The following ELF5 variants were observed in gnomAD, a reference collection of about 807,000 sequenced individuals.
ELF5 encodes the protein E74 like ETS transcription factor 5.
A neutral mutation model predicts 38.2 loss-of-function variants in ELF5; 31 were observed. That is an observed-to-expected ratio of 0.81 (90% CI 0.61 to 1.10). The LOEUF is 1.10. Among genes scored for constraint, ELF5 ranks in the 50% least tolerant of loss-of-function variants. The pLI is 0.00. For missense variants in ELF5, 300 were observed against 306.6 expected, an observed-to-expected ratio of 0.98 and a Z score of 0.16; for synonymous variants, 121 against 112.5, an observed-to-expected ratio of 1.08 and a Z score of -0.48.
At chr11:34,487,431 C>G (rs911697016) in intron 4 of ELF5, among the ~76,000 whole-genome samples, 1 of 152,188 alleles carries the variant, frequency 6.6e-6, no homozygotes, top group Non-Finnish European at 1.5e-5. Context: ...TCTTCCCCAT[C>G]GCTGGGTCCA....
chr11:34,501,384 G>A (rs1427305326), intron 2 of ELF5, among the ~76,000 whole-genome samples: 2 of 152,162 alleles, frequency 1.3e-5, no homozygotes, highest in Non-Finnish European at 2.9e-5. Context: ...CAAAGGAGGC[G>A]CTGCATGTGT....
At chr11:34,487,095 T>C (rs1850017152) in intron 4 of ELF5, among the ~76,000 whole-genome samples, 1 of 151,982 alleles carries the variant, frequency 6.6e-6, no homozygotes, top group Non-Finnish European at 1.5e-5. Context: ...AAACTATCCA[T>C]TAGGGTTTCT....
At chr11:34,483,988 A>G (rs12417857) in intron 4 of ELF5, among the ~76,000 whole-genome samples, 20,253 of 151,574 alleles carry the variant, frequency 0.13, 1,488 homozygotes, top group Admixed American at 0.21. Flanking sequence ...ACCACACTAT[A>G]CTGTACTATA....
At chr11:34,487,393 C>T (rs1486951946) in intron 4 of ELF5, among the ~76,000 whole-genome samples, 2 of 152,192 alleles carry the variant, frequency 1.3e-5, no homozygotes, top group African/African-American at 2.4e-5. Context: ...TGCCCCACCA[C>T]TTCTATTTCT....
intron 1 of ELF5, 21 bp from the exon 2 acceptor site, chr11:34,505,774 G>A (rs781040097): frequency 2.6e-5 from 42 of 1,610,314 alleles, no homozygotes; most frequent in South Asian, 1.1e-4. Context: ...AGGAGAGGTC[G>A]TGAGGAGGCT....
Position 34,493,569 on chromosome 11 carries a change from G to A in ELF5, c.265C>T (p.Leu89=). 1 of 1,614,226 alleles carries A rather than the reference G, an allele frequency of 6.2e-7. No homozygotes were observed. Among genetic ancestry groups the A allele is most frequent in the South Asian group, 1.1e-5 (1 of 91,088 alleles). ...AACTCCTCCTGTGTCATGCTGCACA[G>A]CTGCAGGCCACTGATGTTGAAGTTG... is the stretch of plus-strand genomic sequence containing the variant. ...FCNFNISGLQ[L]CSMTQEEFVE... Residue 89 remains leucine (L), a synonymous_variant, in exon 3 of 7, where the codon CTG becomes TTG. Transcript: ENST00000257832.
chr11:34,484,692 T>C (rs909579397), intron 4 of ELF5, among the ~76,000 whole-genome samples: 1 of 152,096 alleles, frequency 6.6e-6, no homozygotes, highest in African/African-American at 2.4e-5. Flanking sequence ...CCTGCAGTGG[T>C]TCCCCATTTC....
chr11:34,491,576 G>GTT (rs1451012192), intron 3 of ELF5: 4 of 147,642 alleles, frequency 2.7e-5, no homozygotes, highest in African/African-American at 9.9e-5. Flanking sequence ...CCAGGGACAG[G>GTT]TTTGTTTTTT....
In ELF5 at chr11:34,490,008, C is replaced by T; in HGVS notation, c.406+1G>A. The T allele has an allele frequency of 1.2e-6, 2 of 1,614,124 alleles. No homozygotes were observed. Among genetic ancestry groups the T allele is most frequent in the South Asian group, 1.1e-5 (1 of 91,088 alleles). On this transcript the variant is annotated splice_donor_variant, in intron 4 of 6. Transcript: ENST00000257832. LOFTEE classifies it high-confidence loss of function. ...TGGGTGGCTTGCGCTTGGTTACTTA[C>T]AGTCTTTGATGGTGGCCTTGCTTTC...
intron 2 of ELF5, among the ~76,000 whole-genome samples, chr11:34,500,027 G>A (rs1469667108): frequency 6.6e-6 from 1 of 152,206 alleles, no homozygotes; most frequent in African/African-American, 2.4e-5. Flanking sequence ...CCTAGTATCT[G>A]AATGACAGTA....
At position 34,479,929 on chromosome 11, in the gene ELF5, G is replaced by A; in HGVS notation, c.*289C>T. 2.8e-6 allele frequency: 1 copy of A among 354,868 alleles called. No individual in the cohort carries two copies. Among genetic ancestry groups the A allele is most frequent in the Non-Finnish European group, 5.1e-6 (1 of 194,758 alleles). 22.0% of individuals were successfully genotyped at this position (354,868 alleles called of 1,614,324 possible). The stretch of plus-strand genomic sequence containing the variant: ...TTCTCTGATCAGCATCAATGGCATG[G>A]GCTGTTGTCATTCCACAACTCTAGG... On this transcript the variant is annotated 3_prime_UTR_variant, in exon 7 of 7. Transcript: ENST00000257832.
intron 2 of ELF5, among the ~76,000 whole-genome samples, chr11:34,494,501 G>A (rs1175427206): frequency 6.6e-6 from 1 of 152,200 alleles, no homozygotes; most frequent in Non-Finnish European, 1.5e-5. Flanking sequence ...GGTGTTCAGA[G>A]TAATTTCTAT....
chr11:34,493,699 G>A lies in ELF5; in HGVS notation c.135C>T (p.Tyr45=), dbSNP rs1459864714. The change falls in exon 3 of 7, where the codon TAC becomes TAT. Residue 45 remains tyrosine (Y), a synonymous_variant. Coordinates refer to ENST00000257832, the MANE Select transcript of ELF5 (RefSeq NM_001422.4). ...AFEHQTACDS[Y]WTSVHPEYWT... ...AGTATTCAGGGTGGACTGATGTCCAGTATGAGTCACAGGCTGCACCAAAGG... is the reference window on the plus strand; with the variant it reads ...AGTATTCAGGGTGGACTGATGTCCAATATGAGTCACAGGCTGCACCAAAGG... The A allele has an allele frequency of 1.5e-5, 25 of 1,613,960 alleles. No individual in the cohort carries two copies. Among genetic ancestry groups the A allele is most frequent in the Non-Finnish European group, 2.0e-5 (24 of 1,179,832 alleles).
In ELF5 at chr11:34,511,066, G is replaced by T. The variant is rs546457918; in HGVS notation, c.-5+2611C>A. On this transcript the variant is annotated intron_variant, in intron 1 of 6. Coordinates refer to ENST00000257832, the MANE Select transcript of ELF5 (RefSeq NM_001422.4). Reference sequence around the variant, plus strand: ...GAACACAGATAAAACAGCCCCCAAGGTCTGCCCTAACTCTGTGACTTTCTG... The same window carrying T: ...GAACACAGATAAAACAGCCCCCAAGTTCTGCCCTAACTCTGTGACTTTCTG... Among the ~76,000 whole-genome samples, 5 of 152,260 alleles carry T rather than the reference G, an allele frequency of 3.3e-5. No individual in the cohort carries two copies. In the South Asian group the frequency reaches 8.3e-4, roughly 25 times the overall value.
intron 4 of ELF5, among the ~76,000 whole-genome samples, chr11:34,487,045 C>T (rs1407170793): frequency 6.6e-6 from 1 of 152,136 alleles, no homozygotes; most frequent in African/African-American, 2.4e-5. Context: ...ATTGTATAAA[C>T]TACCAACCTG....
chr11:34,505,412 G>A (rs758370095), intron 2 of ELF5, among the ~76,000 whole-genome samples: 13 of 152,184 alleles, frequency 8.5e-5, no homozygotes, highest in African/African-American at 2.4e-4. Flanking sequence ...GCACGGCCTC[G>A]AGGCCACAGA....
chr11:34,485,467 T>TAAGTGTGAATAAAGGTGA (rs2133874290), intron 4 of ELF5, among the ~76,000 whole-genome samples: 1 of 152,326 alleles, frequency 6.6e-6, no homozygotes, highest in South Asian at 2.1e-4. Flanking sequence ...AAAGGTGAAT[T>TAAGTGTGAATAAAGGTGA]ATTAAGTGTG....
chr11:34,493,710 A>G lies in ELF5; in HGVS notation c.124T>C (p.Cys42Arg). 6.2e-7 allele frequency: 1 copy of G among 1,612,914 alleles called. No homozygotes were observed. Among genetic ancestry groups the G allele is most frequent in the Non-Finnish European group, 8.5e-7 (1 of 1,178,944 alleles). Residue 42 changes from cysteine to arginine, a missense_variant and splice_region_variant, in exon 3 of 7, where the codon TGT becomes CGT. Transcript: ENST00000257832. ...TGGACTGATGTCCAGTATGAGTCAC[A>G]GGCTGCACCAAAGGAGAAAGAAGTG... is the stretch of plus-strand genomic sequence containing the variant. The part of the protein sequence containing the change: ...YYPAFEHQTA[C>R]DSYWTSVHPE...
intron 1 of ELF5, among the ~76,000 whole-genome samples, chr11:34,509,942 TGA>T (rs1283109378): frequency 6.6e-6 from 1 of 152,216 alleles, no homozygotes; most frequent in African/African-American, 2.4e-5. Flanking sequence ...ACAGTGGGAA[TGA>T]GATCTTCCTC....
Sources: gnomAD v4.1 joint callset for allele counts (sites outside exome capture counted in the v4.1 genomes callset) on GRCh38, gnomAD v4.1.1 for gene constraint, MANE v1.5 for transcripts, NCBI Gene and HGNC (gene_info 2026-07-23, HGNC 2026-07-21) for gene names.